FYN: variants seen among roughly 807,000 people sequenced by gnomAD.
The protein encoded by FYN is tyrosine-protein kinase Fyn.
Under a neutral mutation model 70.2 loss-of-function variants are expected in FYN, and 10 were observed. The observed-to-expected ratio is 0.14, with a 90% CI of 0.09 to 0.24. The LOEUF is 0.24. Ranked by LOEUF, FYN falls within the 10% of genes least tolerant of loss-of-function variation. FYN has a pLI of 1.00. For missense variants in FYN, 319 were observed against 673.1 expected (o/e 0.47, Z 5.82); for synonymous variants, 236 against 248.6 (o/e 0.95, Z 0.48).
chr6:111,692,113 A>G (rs368100174), intron 12 of FYN, among the ~76,000 whole-genome samples: 8 of 105,362 alleles, frequency 7.6e-5, no homozygotes, highest in South Asian at 9.5e-4. Flanking sequence ...CCCCCCCCCC[A>G]GTTCAGCTCT....
rs879303037 is a variant in FYN at position 111,661,352 on chromosome 6, CTTTT to C, written c.*383_*386del. 6.6e-6 allele frequency: 1 copy of C among 150,950 alleles called. No homozygotes were observed. The highest frequency in any genetic ancestry group is 1.4e-5 in the Non-Finnish European group (1 of 69,718). The allele number at this position is 150,950 out of a possible 1,614,324, so 9.4% of individuals were successfully genotyped here. The stretch of plus-strand genomic sequence containing the variant: ...AAGAGGCCACTTTTGGAAAATAATA[CTTTT>C]TTTTTTTTAGTTGAATCAGGTGAAG... On this transcript the variant is annotated 3_prime_UTR_variant, in exon 14 of 14. Transcript: ENST00000354650. This position sits in a 1 kb window ranked among gnomAD's most constrained non-coding sequence, Gnocchi z 4.0.
At chr6:111,856,383 T>A (rs1217566925) in intron 1 of FYN, among the ~76,000 whole-genome samples, 4 of 152,194 alleles carry the variant, frequency 2.6e-5, no homozygotes, top group Non-Finnish European at 5.9e-5. Flanking sequence ...TGGAGGCAAC[T>A]TTATTAAGAA....
chr6:111,785,350 T>C (rs1264932577), intron 2 of FYN, among the ~76,000 whole-genome samples: 1 of 152,248 alleles, frequency 6.6e-6, no homozygotes, highest in Non-Finnish European at 1.5e-5. Flanking sequence ...TTACTGTTAT[T>C]TTCCCAGTGC....
chr6:111,826,736 T>C (rs1772845534), intron 2 of FYN, among the ~76,000 whole-genome samples: 2 of 152,378 alleles, frequency 1.3e-5, no homozygotes, highest in East Asian at 3.9e-4. Context: ...CATGTATTAA[T>C]ATTTACTGCT....
intron 9 of FYN, chr6:111,699,787 T>G (rs1195822715): frequency 1.8e-5 from 19 of 1,034,390 alleles, no homozygotes; most frequent in Non-Finnish European, 2.3e-5. Context: ...AATATTTGCT[T>G]TTGGAAATGA....
chr6:111,764,474 A>G (rs562013131), intron 3 of FYN, among the ~76,000 whole-genome samples: 1 of 152,274 alleles, frequency 6.6e-6, no homozygotes, highest in South Asian at 2.1e-4. Flanking sequence ...CTGTGCCGGC[A>G]GAAAAGTGTG....
chr6:111,707,962 T>C lies in FYN; in HGVS notation c.403A>G (p.Ser135Gly). The change falls in exon 6 of 14, where the codon AGC becomes GGC. Residue 135 changes from serine to glycine, a missense_variant. Coordinates refer to ENST00000354650, the MANE Select transcript of FYN (RefSeq NM_002037.5). ...GAGTCAACTGGAGCCACATAATTGC[T>C]GGGAATGTAACCTGTCTCTCCAGTT... The part of the protein sequence containing the change: ...LTTGETGYIP[S>G]NYVAPVDSIQ... 1.2e-6 allele frequency: 2 copies of C among 1,614,094 alleles called. No homozygotes were observed. The highest frequency in any genetic ancestry group is 1.7e-6 in the Non-Finnish European group (2 of 1,179,950).
chr6:111,858,706 T>C (rs1241993518), intron 1 of FYN, among the ~76,000 whole-genome samples: 1 of 152,018 alleles, frequency 6.6e-6, no homozygotes, highest in Non-Finnish European at 1.5e-5. Context: ...CTAGCTTCAA[T>C]GGGGGAGACT....
rs1162492364 is a variant in FYN at position 111,666,018 on chromosome 6, T to TTTTTC, written c.1406-4072_1406-4071insGAAAA. Among the ~76,000 whole-genome samples, 174 of 143,368 alleles carry TTTTTC rather than the reference T, an allele frequency of 1.2e-3. 1 individual carries two copies. Among genetic ancestry groups the TTTTTC allele is most frequent in the African/African-American group, 4.2e-3 (160 of 38,334 alleles). The allele number at this position is 143,368 out of a possible 152,430, so 94.1% of individuals were successfully genotyped here. On this transcript the variant is annotated intron_variant, in intron 13 of 13. Coordinates refer to ENST00000354650, the MANE Select transcript of FYN (RefSeq NM_002037.5). ...TCCTTTTTTTTTTTTTTTTTTTTTTTTGAGACAGAGTCTCGCTCTGTTGCC... is the reference window on the plus strand; with the variant it reads ...TCCTTTTTTTTTTTTTTTTTTTTTTTTTTTCTGAGACAGAGTCTCGCTCTGTTGCC...
At chr6:111,722,959 AT>A (rs1217378540) in intron 3 of FYN, among the ~76,000 whole-genome samples, 1 of 152,224 alleles carries the variant, frequency 6.6e-6, no homozygotes, top group Non-Finnish European at 1.5e-5. Flanking sequence ...GCGAACAGGC[AT>A]GTTAGGTAGA....
chr6:111,864,678 G>A (rs988170708), intron 1 of FYN, among the ~76,000 whole-genome samples: 9 of 152,282 alleles, frequency 5.9e-5, no homozygotes, highest in South Asian at 2.1e-4. Flanking sequence ...AGACTTCCAC[G>A]GTGGGTAAAG....
At chr6:111,746,232 A>G (rs370899678) in intron 3 of FYN, among the ~76,000 whole-genome samples, 1 of 152,230 alleles carries the variant, frequency 6.6e-6, no homozygotes, top group African/African-American at 2.4e-5. Flanking sequence ...TTACAGTTCA[A>G]TGAGTTCTGA....
intron 2 of FYN, among the ~76,000 whole-genome samples, chr6:111,801,426 T>C (rs1392955619): frequency 6.6e-6 from 1 of 152,212 alleles, no homozygotes; most frequent in Non-Finnish European, 1.5e-5. Context: ...ACCTGCCTAG[T>C]TGCCAGGAAG....
intron 3 of FYN, among the ~76,000 whole-genome samples, chr6:111,773,315 GGGGA>G (rs1803523885): frequency 9.5e-6 from 1 of 104,994 alleles, no homozygotes; most frequent in Non-Finnish European, 1.9e-5. Flanking sequence ...GAGGGAAAGA[GGGGA>G]GGGGGAGGGA....
chr6:111,785,833 G>A lies in FYN; in HGVS notation c.-81-5198C>T, dbSNP rs192369388. 6.0e-3 allele frequency among the ~76,000 whole-genome samples: 175 copies of A among 29,178 alleles called. 1 individual carries two copies. Among genetic ancestry groups the A allele is most frequent in the African/African-American group, 0.024 (172 of 7,256 alleles). 19.1% of individuals were successfully genotyped at this position (29,178 alleles called of 152,430 possible). A position where few individuals can be genotyped will look rare whatever the true frequency, so the allele number is the denominator to read the frequency against. ...TCCCTCCTCCCTCCCCCGACCCCAC[G>A]ACAGGCCCCAGTGTGTGATGTTCCC... On this transcript the variant is annotated intron_variant, in intron 2 of 13. Transcript: ENST00000354650.
intron 2 of FYN, among the ~76,000 whole-genome samples, chr6:111,783,158 C>G (rs1390012550): frequency 6.6e-6 from 1 of 152,210 alleles, no homozygotes; most frequent in Non-Finnish European, 1.5e-5. Flanking sequence ...AACAAAATAA[C>G]AGAACAGTTC....
At chr6:111,733,484 A>G (rs1325903643) in intron 3 of FYN, among the ~76,000 whole-genome samples, 1 of 152,208 alleles carries the variant, frequency 6.6e-6, no homozygotes, top group Non-Finnish European at 1.5e-5. Flanking sequence ...GGGACATCTT[A>G]GTCTGGAATT....
Position 111,746,507 on chromosome 6 carries a change from G to A in FYN, c.-11-26445C>T, listed in dbSNP as rs543019581. Among the ~76,000 whole-genome samples, 5 of 152,298 alleles carry A rather than the reference G, an allele frequency of 3.3e-5. No individual in the cohort carries two copies. In the South Asian group the frequency reaches 1.0e-3, roughly 32 times the overall value. ...ATTGTATATTCAGTAGTTTATTGCTGCTGAGTGGCATAGTAGTTTTTATTG... is the reference window on the plus strand; with the variant it reads ...ATTGTATATTCAGTAGTTTATTGCTACTGAGTGGCATAGTAGTTTTTATTG... On this transcript the variant is annotated intron_variant, in intron 3 of 13. Transcript: ENST00000354650.
chr6:111,720,838 C>T lies in FYN; in HGVS notation c.-11-776G>A, dbSNP rs1454143405. 3.9e-5 allele frequency among the ~76,000 whole-genome samples: 6 copies of T among 152,178 alleles called. No homozygotes were observed. The East Asian group carries it at 9.7e-4, about 25-fold the overall frequency. The stretch of plus-strand genomic sequence containing the variant: ...CAGAGTTAGTGGCGGATTAAAAACT[C>T]GAGTTGTTGCCACCCCACCCTCCTC... On this transcript the variant is annotated intron_variant, in intron 3 of 13. Transcript: ENST00000354650.
Sources: gnomAD v4.1 joint callset for allele counts (sites outside exome capture counted in the v4.1 genomes callset) on GRCh38, gnomAD v4.1.1 for gene constraint, Gnocchi (gnomAD v3.1) non-coding constraint, MANE v1.5 for transcripts, NCBI Gene and HGNC (gene_info 2026-07-23, HGNC 2026-07-21) for gene names.